Variants in STK3 observed in about 807,000 individuals in gnomAD.
STK3 encodes serine/threonine-protein kinase 3.
STK3 carries 41 observed loss-of-function variants against 58.0 expected under a neutral mutation model. The ratio of observed to expected loss-of-function variants is 0.71; its 90% confidence interval spans 0.55 to 0.92. The LOEUF is 0.92. Ranked by LOEUF, STK3 falls within the 40% of genes least tolerant of loss-of-function variation. The pLI is 0.00. For missense variants in STK3, 479 were observed against 602.7 expected, an observed-to-expected ratio of 0.79 and a Z score of 2.15; for synonymous variants, 170 against 191.0, an observed-to-expected ratio of 0.89 and a Z score of 0.91.
intron 1 of STK3, among the ~76,000 whole-genome samples, chr8:98,901,535 G>C (rs565127461): frequency 1.3e-5 from 2 of 152,380 alleles, no homozygotes; most frequent in East Asian, 3.9e-4. Flanking sequence ...ACCTGCCTTA[G>C]ACCTTTTCTT....
At position 98,800,309 on chromosome 8, in the gene STK3, T is replaced by G. The variant is rs1338003448; in HGVS notation, c.26+25206A>C. Among the ~76,000 whole-genome samples, 1 of 152,176 alleles carries G rather than the reference T, an allele frequency of 6.6e-6. No homozygotes were observed. Among genetic ancestry groups the G allele is most frequent in the East Asian group, 1.9e-4 (1 of 5,192 alleles). ...TAGAGAGCTCCCCTCTGGAGGACAC[T>G]ACAACTGCAGGGCCCCTTCAAAGCC... is the stretch of plus-strand genomic sequence containing the variant. On this transcript the variant is annotated intron_variant, in intron 1 of 10. Transcript: ENST00000419617. This position sits in a 1 kb window ranked among gnomAD's most constrained non-coding sequence, Gnocchi z 4.8.
chr8:98,912,991 T>A (rs553641897), intron 1 of STK3, among the ~76,000 whole-genome samples: 2 of 152,322 alleles, frequency 1.3e-5, no homozygotes, highest in African/African-American at 4.8e-5. Flanking sequence ...TCATGCAGCC[T>A]CCACCTCCTG....
chr8:98,358,391 A>C, the STK3 span, among the ~76,000 whole-genome samples: 1 of 152,146 alleles, frequency 6.6e-6, no homozygotes, highest in Non-Finnish European at 1.5e-5. Flanking sequence ...TGCTGTCCAA[A>C]AAAAGACACC....
chr8:98,781,444 G>GA (rs749207661), intron 1 of STK3, among the ~76,000 whole-genome samples: 6 of 151,390 alleles, frequency 4.0e-5, no homozygotes, highest in Non-Finnish European at 7.4e-5. Context: ...TTCTTAAGGC[G>GA]AAAAAAAATG....
intron 10 of STK3, among the ~76,000 whole-genome samples, chr8:98,469,252 C>CGG (rs746927358): frequency 1.0e-5 from 1 of 97,380 alleles, no homozygotes; most frequent in African/African-American, 3.8e-5. Context: ...CTTTTCTTTG[C>CGG]GGGGGCGGGG....
chr8:98,586,637 T>A (rs1031572761), intron 7 of STK3, among the ~76,000 whole-genome samples: 4 of 151,464 alleles, frequency 2.6e-5, no homozygotes, highest in Admixed American at 2.0e-4. Context: ...GGATTCCCTC[T>A]TTTTCTATTG....
intron 3 of STK3, among the ~76,000 whole-genome samples, chr8:98,394,050 A>C (rs1272613441): frequency 6.6e-6 from 1 of 152,172 alleles, no homozygotes; most frequent in Non-Finnish European, 1.5e-5. Context: ...GGATAGAGAC[A>C]GGAAGGGATG....
chr8:98,856,155 C>CAAAAA (rs60632558), intron 3 of STK3, among the ~76,000 whole-genome samples: 3 of 54,048 alleles, frequency 5.6e-5, no homozygotes, highest in East Asian at 5.4e-4. Context: ...GACTCCATCT[C>CAAAAA]AAAAAAAAAA....
chr8:98,766,343 G>C (rs1224079307), intron 3 of STK3, among the ~76,000 whole-genome samples: 1 of 152,196 alleles, frequency 6.6e-6, no homozygotes, highest in Admixed American at 6.5e-5. Flanking sequence ...GAATGAATTA[G>C]ATTTACATAA....
intron 1 of STK3, among the ~76,000 whole-genome samples, chr8:98,887,795 C>G (rs538595810): frequency 9.2e-5 from 14 of 152,320 alleles, no homozygotes; most frequent in African/African-American, 3.4e-4. Context: ...TGACTCCATT[C>G]TGGACAAGGC....
At chr8:98,621,923 G>A (rs1818358837) in intron 6 of STK3, among the ~76,000 whole-genome samples, 1 of 151,378 alleles carries the variant, frequency 6.6e-6, no homozygotes, top group South Asian at 2.1e-4. Flanking sequence ...AAATATATCT[G>A]TGGCTGAGAA....
chr8:98,725,629 A>T (rs1162935124), intron 4 of STK3, among the ~76,000 whole-genome samples: 1 of 152,230 alleles, frequency 6.6e-6, no homozygotes, highest in African/African-American at 2.4e-5. Context: ...CAAAAGTAAG[A>T]TAAGACACAA....
chr8:98,769,701 T>C (rs1410443861), intron 2 of STK3, among the ~76,000 whole-genome samples: 2 of 152,230 alleles, frequency 1.3e-5, no homozygotes, highest in South Asian at 2.1e-4. Context: ...CTTAGTTGCC[T>C]GGAGTCTAAG....
chr8:98,865,782 T>A (rs72668417), intron 3 of STK3, among the ~76,000 whole-genome samples: 5,748 of 152,354 alleles, frequency 0.038, 137 homozygotes, highest in South Asian at 0.068. Flanking sequence ...AAAGTCCATC[T>A]AAGTCTATAT....
intron 1 of STK3, among the ~76,000 whole-genome samples, chr8:98,935,021 T>A (rs969219002): frequency 6.6e-6 from 1 of 152,228 alleles, no homozygotes; most frequent in East Asian, 1.9e-4. Context: ...TCTCCCTATA[T>A]CCATTCTCCT....
chr8:98,654,537 G>T (rs532118319), intron 6 of STK3, among the ~76,000 whole-genome samples: 40 of 152,184 alleles, frequency 2.6e-4, no homozygotes, highest in South Asian at 1.9e-3. Context: ...AAAGAGGAAG[G>T]CAAATTGTCC....
chr8:98,687,564 T>G (rs1824095271), intron 6 of STK3, among the ~76,000 whole-genome samples: 1 of 152,114 alleles, frequency 6.6e-6, no homozygotes, highest in Admixed American at 6.5e-5. Context: ...GGGAAACCCA[T>G]CAGACTAACA....
intron 1 of STK3, among the ~76,000 whole-genome samples, chr8:98,384,895 G>A (rs1179931157): frequency 6.6e-6 from 1 of 151,996 alleles, no homozygotes; most frequent in African/African-American, 2.4e-5. Flanking sequence ...GTCATACCTG[G>A]GCCATTGCTA....
At chr8:98,786,316 G>A (rs1238070095) in intron 1 of STK3, among the ~76,000 whole-genome samples, 1 of 152,196 alleles carries the variant, frequency 6.6e-6, no homozygotes, top group Non-Finnish European at 1.5e-5. Flanking sequence ...GGAGGCTGAC[G>A]TAGGAAGACC....
Sources: allele counts gnomAD v4.1 joint callset (sites outside exome capture counted in the v4.1 genomes callset), GRCh38; gene constraint gnomAD v4.1.1; non-coding constraint Gnocchi (gnomAD v3.1); transcripts MANE v1.5; gene names NCBI Gene and HGNC (gene_info 2026-07-23, HGNC 2026-07-21).